Variants in ASAP1 observed in about 807,000 individuals in gnomAD.
The protein encoded by ASAP1 is arf-GAP with SH3 domain, ANK repeat and PH domain-containing protein 1.
In ASAP1, 43 loss-of-function variants were observed where a neutral mutation model predicts 145.2. The observed-to-expected ratio is 0.30, with a 90% confidence interval of 0.23 to 0.38. The LOEUF is 0.38. Among genes scored for constraint, ASAP1 ranks in the 10% least tolerant of loss-of-function variants. ASAP1 has a pLI of 1.00. For synonymous variants in ASAP1, 546 were observed against 515.5 expected (o/e 1.06, Z -0.80); for missense variants, 1,018 against 1,355.3 (o/e 0.75, Z 3.91).
chr8:130,277,914 G>A (rs1251929551), intron 3 of ASAP1, among the ~76,000 whole-genome samples: 2 of 152,156 alleles, frequency 1.3e-5, no homozygotes, highest in Middle Eastern at 6.3e-3. Context: ...GAGTGGCAGG[G>A]AGCCTCTCGG....
intron 2 of ASAP1, among the ~76,000 whole-genome samples, chr8:130,396,168 A>G (rs1261882166): frequency 1.2e-4 from 19 of 152,352 alleles, no homozygotes; most frequent in Admixed American, 1.1e-3. Context: ...ACATGTAGTA[A>G]AAGGAGGAAC....
At chr8:130,146,016 GTTTTTTTT>G (rs376317332) in intron 13 of ASAP1, among the ~76,000 whole-genome samples, 5 of 123,658 alleles carry the variant, frequency 4.0e-5, no homozygotes, top group African/African-American at 1.5e-4. Flanking sequence ...TAAGTTTTGT[GTTTTTTTT>G]TTTTTTTTTT....
chr8:130,436,363 T>C (rs1830312656), intron 1 of ASAP1, among the ~76,000 whole-genome samples: 1 of 152,184 alleles, frequency 6.6e-6, no homozygotes, highest in Non-Finnish European at 1.5e-5. Flanking sequence ...GGCACAATCT[T>C]GGTTCACTGC....
chr8:130,296,635 G>A (rs4733573), intron 3 of ASAP1, among the ~76,000 whole-genome samples: 27,683 of 150,676 alleles, frequency 0.18, 3,211 homozygotes, highest in East Asian at 0.44. Flanking sequence ...TTCAACCTCA[G>A]ATCCTGCATC....
At chr8:130,244,779 C>T (rs1315436809) in intron 3 of ASAP1, among the ~76,000 whole-genome samples, 1 of 152,086 alleles carries the variant, frequency 6.6e-6, no homozygotes, top group African/African-American at 2.4e-5. Context: ...CCCTGTGGGC[C>T]AGGTGCTGTC....
chr8:130,357,328 T>G (rs182183354), intron 3 of ASAP1, among the ~76,000 whole-genome samples: 1 of 152,228 alleles, frequency 6.6e-6, no homozygotes, highest in Non-Finnish European at 1.5e-5. Flanking sequence ...CCGATCTCCT[T>G]GTCCAGCCTC....
chr8:130,180,504 G>T (rs1814280675), intron 8 of ASAP1, among the ~76,000 whole-genome samples: 1 of 152,182 alleles, frequency 6.6e-6, no homozygotes, highest in African/African-American at 2.4e-5. Flanking sequence ...GCAACATTAA[G>T]GTTCTCACCA....
At chr8:130,223,980 T>C (rs1817445957) in intron 4 of ASAP1, among the ~76,000 whole-genome samples, 1 of 152,178 alleles carries the variant, frequency 6.6e-6, no homozygotes, top group South Asian at 2.1e-4. Context: ...TCCATCACAA[T>C]TTCAGGATTC....
chr8:130,352,212 GTTTT>G (rs11420981), intron 3 of ASAP1, among the ~76,000 whole-genome samples: 8 of 139,684 alleles, frequency 5.7e-5, no homozygotes, highest in Admixed American at 2.1e-4. Flanking sequence ...CTTCCTAAGG[GTTTT>G]TTTTTTTTTT....
At chr8:130,434,760 GCTCT>G (rs1830252024) in intron 1 of ASAP1, among the ~76,000 whole-genome samples, 1 of 152,102 alleles carries the variant, frequency 6.6e-6, no homozygotes, top group African/African-American at 2.4e-5. Context: ...TCCCAGAACG[GCTCT>G]CTGTGACGGC....
intron 2 of ASAP1, among the ~76,000 whole-genome samples, chr8:130,391,069 A>G (rs988933119): frequency 3.3e-5 from 5 of 152,178 alleles, no homozygotes; most frequent in Non-Finnish European, 5.9e-5. Flanking sequence ...ACAAAATATG[A>G]TATGTACATA....
Position 130,256,739 on chromosome 8 carries a change from T to TATATATATATATATA in ASAP1, c.187-19746_187-19745insTATATATATATATAT, listed in dbSNP as rs1565142439. 1.1e-4 allele frequency among the ~76,000 whole-genome samples: 11 copies of TATATATATATATATA among 95,894 alleles called. 1 individual carries two copies. Among genetic ancestry groups the TATATATATATATATA allele is most frequent in the South Asian group, 3.0e-4 (1 of 3,374 alleles). The allele number at this position is 95,894 out of a possible 152,430, so 62.9% of individuals were successfully genotyped here. ...ATCTTCTTCCTGAATATACACATTC[T>TATATATATATATATA]TATATATATATATATATATATATAT... On this transcript the variant is annotated intron_variant, in intron 3 of 29. Coordinates refer to ENST00000518721, the MANE Select transcript of ASAP1 (RefSeq NM_018482.4).
Position 130,324,749 on chromosome 8 carries a change from CCAGA to C in ASAP1, c.186+33264_186+33267del, listed in dbSNP as rs368557683. 5.5e-3 allele frequency among the ~76,000 whole-genome samples: 841 copies of C among 152,250 alleles called. 8 individuals carry two copies. Among genetic ancestry groups the C allele is most frequent in the African/African-American group, 0.02 (813 of 41,532 alleles). On this transcript the variant is annotated intron_variant, in intron 3 of 29. Coordinates refer to ENST00000518721, the MANE Select transcript of ASAP1 (RefSeq NM_018482.4). ...GTACTTACAACTTCATCTGTTTTAC[CCAGA>C]CAGTTAAGGTTCTTGTAATGAACAT...
At chr8:130,203,405 T>A (rs1351988329) in intron 5 of ASAP1, among the ~76,000 whole-genome samples, 1 of 152,116 alleles carries the variant, frequency 6.6e-6, no homozygotes, top group African/African-American at 2.4e-5. Context: ...CACTAACCCG[T>A]GTTTCCCGGT....
At chr8:130,431,811 AG>A (rs1320547601) in intron 1 of ASAP1, among the ~76,000 whole-genome samples, 2 of 149,584 alleles carry the variant, frequency 1.3e-5, no homozygotes, top group Non-Finnish European at 3.0e-5. Flanking sequence ...CAGAGACAGA[AG>A]GGGAAGAGTA....
At chr8:130,260,075 T>C (rs1012899650) in intron 3 of ASAP1, among the ~76,000 whole-genome samples, 5 of 152,240 alleles carry the variant, frequency 3.3e-5, no homozygotes, top group African/African-American at 1.2e-4. Context: ...CATTGTCCAG[T>C]TATGGGAAAA....
At chr8:130,206,493 ACAGT>A (rs1565088390) in intron 5 of ASAP1, among the ~76,000 whole-genome samples, 1 of 152,148 alleles carries the variant, frequency 6.6e-6, no homozygotes, top group Non-Finnish European at 1.5e-5. Context: ...ACAATACCCT[ACAGT>A]CAGAGATTGC....
intron 3 of ASAP1, among the ~76,000 whole-genome samples, chr8:130,252,774 T>C (rs1549455): frequency 0.19 from 28,255 of 152,062 alleles, 3,304 homozygotes; most frequent in East Asian, 0.44. Flanking sequence ...ATAATAATTA[T>C]AGGTACAACA....
intron 3 of ASAP1, among the ~76,000 whole-genome samples, chr8:130,249,602 C>T (rs891412125): frequency 6.6e-6 from 1 of 152,190 alleles, no homozygotes; most frequent in Admixed American, 6.5e-5. Flanking sequence ...AAGAAATAAT[C>T]TCTCTTCATT....
Sources: gnomAD v4.1 joint callset for allele counts (sites outside exome capture counted in the v4.1 genomes callset) on GRCh38, gnomAD v4.1.1 for gene constraint, MANE v1.5 for transcripts, NCBI Gene and HGNC (gene_info 2026-07-23, HGNC 2026-07-21) for gene names.